LGSN: variants seen among roughly 807,000 people sequenced by gnomAD.
LGSN encodes the protein lengsin.
Under a neutral mutation model 19.5 loss-of-function variants are expected in LGSN, and 21 were observed. The observed-to-expected ratio is 1.07, with a 90% CI of 0.76 to 1.55. LGSN has a LOEUF of 1.55. Among genes scored for constraint, LGSN ranks in the 40% most tolerant of loss-of-function variants. The pLI, the probability that LGSN is intolerant of heterozygous loss-of-function variation, is 0.00. For synonymous variants in LGSN, 257 were observed against 215.6 expected, an observed-to-expected ratio of 1.19 and a Z score of -1.68; for missense variants, 673 against 608.5, an observed-to-expected ratio of 1.11 and a Z score of -1.12.
the LGSN span, among the ~76,000 whole-genome samples, chr6:63,513,762 T>C: frequency 1.9e-4 from 29 of 151,826 alleles, no homozygotes; most frequent in East Asian, 5.5e-3. Flanking sequence ...AATACAAAAA[T>C]TAGCTGGGTG....
At chr6:63,503,624 T>C in the LGSN span, among the ~76,000 whole-genome samples, 1 of 152,068 alleles carries the variant, frequency 6.6e-6, no homozygotes, top group African/African-American at 2.4e-5. Flanking sequence ...GAATCCAAAA[T>C]GGTAACAAGG....
At chr6:63,310,542 A>G (rs1198099705) in intron 1 of LGSN, among the ~76,000 whole-genome samples, 1 of 152,138 alleles carries the variant, frequency 6.6e-6, no homozygotes, top group Admixed American at 6.5e-5. Context: ...ATGGAAATGG[A>G]ATTAAAAGAT....
the LGSN span, among the ~76,000 whole-genome samples, chr6:63,492,880 G>A: frequency 0.062 from 9,498 of 152,192 alleles, 1,018 homozygotes; most frequent in African/African-American, 0.22. Flanking sequence ...AAAGATATTC[G>A]AAGTTATATG....
the LGSN span, among the ~76,000 whole-genome samples, chr6:63,446,412 T>C: frequency 6.6e-6 from 1 of 152,114 alleles, no homozygotes; most frequent in African/African-American, 2.4e-5. Context: ...CCCTCTACCC[T>C]GTCATAATAT....
At chr6:63,286,876 A>G (rs1767561431) in intron 2 of LGSN, among the ~76,000 whole-genome samples, 1 of 152,200 alleles carries the variant, frequency 6.6e-6, no homozygotes, top group Admixed American at 6.5e-5. Flanking sequence ...AGGATTAACA[A>G]GTTATTAACA....
rs1767223998 is a variant in LGSN at position 63,279,953 on chromosome 6, C to T, written c.*68G>A. 7.1e-7 allele frequency: 1 copy of T among 1,403,338 alleles called. No homozygotes were observed. Among genetic ancestry groups the T allele is most frequent in the South Asian group, 1.5e-5 (1 of 68,914 alleles). 86.9% of individuals were successfully genotyped at this position (1,403,338 alleles called of 1,614,324 possible). A position where few individuals can be genotyped will look rare whatever the true frequency, so the allele number is the denominator to read the frequency against. On this transcript the variant is annotated 3_prime_UTR_variant, in exon 4 of 4. Transcript: ENST00000370657. ...CTGTTGTTAATTACAAAAGTTCAGTCTTTTTGTTTTGGTAGATTAGCTTTA... is the reference window on the plus strand; with the variant it reads ...CTGTTGTTAATTACAAAAGTTCAGTTTTTTTGTTTTGGTAGATTAGCTTTA...
At chr6:63,490,659 C>A in the LGSN span, among the ~76,000 whole-genome samples, 1 of 152,096 alleles carries the variant, frequency 6.6e-6, no homozygotes, top group African/African-American at 2.4e-5. Flanking sequence ...TCACTGCAAC[C>A]TCTGTCTCCC....
the LGSN span, among the ~76,000 whole-genome samples, chr6:63,460,131 T>A: frequency 7.1e-5 from 9 of 127,010 alleles, no homozygotes; most frequent in African/African-American, 2.6e-4. Flanking sequence ...TTTTTTTTTT[T>A]GTATTTTTAG....
At chr6:63,428,570 C>T in the LGSN span, among the ~76,000 whole-genome samples, 2 of 152,174 alleles carry the variant, frequency 1.3e-5, no homozygotes, top group Non-Finnish European at 2.9e-5. Context: ...AGGCTGGTCT[C>T]GAACTCCTGA....
chr6:63,407,350 C>A, the LGSN span, among the ~76,000 whole-genome samples: 2 of 152,010 alleles, frequency 1.3e-5, no homozygotes, highest in Non-Finnish European at 2.9e-5. Flanking sequence ...TGGGCTTCAT[C>A]CCTGGGATGC....
At chr6:63,421,239 T>C in the LGSN span, among the ~76,000 whole-genome samples, 1 of 149,670 alleles carries the variant, frequency 6.7e-6, no homozygotes. Context: ...CTGGCCAACA[T>C]GGCAAAAACC....
At chr6:63,477,238 A>G in the LGSN span, among the ~76,000 whole-genome samples, 20 of 152,226 alleles carry the variant, frequency 1.3e-4, no homozygotes, top group African/African-American at 4.8e-4. Flanking sequence ...GACAGACAAT[A>G]GATTTTGCTT....
At chr6:63,476,181 G>A in the LGSN span, among the ~76,000 whole-genome samples, 3 of 152,178 alleles carry the variant, frequency 2.0e-5, no homozygotes, top group African/African-American at 7.2e-5. Context: ...ATCATTAAAA[G>A]TTCACCTTGG....
At chr6:63,446,908 G>A in the LGSN span, among the ~76,000 whole-genome samples, 4 of 152,282 alleles carry the variant, frequency 2.6e-5, no homozygotes, top group South Asian at 4.1e-4. Context: ...AATTAGCCAG[G>A]TGTGGCAGCG....
chr6:63,408,257 TAA>T, the LGSN span, among the ~76,000 whole-genome samples: 3 of 151,780 alleles, frequency 2.0e-5, no homozygotes, highest in Admixed American at 1.3e-4. Context: ...GCTGGAGGCA[TAA>T]CACTACCTGA....
At chr6:63,560,354 A>AAAAG in the LGSN span, among the ~76,000 whole-genome samples, 1,981 of 149,744 alleles carry the variant, frequency 0.013, 55 homozygotes, top group African/African-American at 0.047. Flanking sequence ...AAAAAAAAAA[A>AAAAG]AAAGAAAGAA....
the LGSN span, among the ~76,000 whole-genome samples, chr6:63,440,375 G>A: frequency 6.6e-6 from 1 of 152,176 alleles, no homozygotes; most frequent in African/African-American, 2.4e-5. Flanking sequence ...TGTGAGGCAG[G>A]AAACCTGCTA....
chr6:63,403,997 G>A, the LGSN span, among the ~76,000 whole-genome samples: 2 of 151,876 alleles, frequency 1.3e-5, no homozygotes, highest in African/African-American at 2.4e-5. Context: ...TGGCTTTTAA[G>A]AAGCAAGCCG....
the LGSN span, among the ~76,000 whole-genome samples, chr6:63,327,945 C>G: frequency 6.6e-6 from 1 of 152,226 alleles, no homozygotes; most frequent in Admixed American, 6.5e-5. Context: ...TGTGCAGTAA[C>G]TCCATAACTT....
Sources: gnomAD v4.1 joint callset for allele counts (sites outside exome capture counted in the v4.1 genomes callset) on GRCh38, gnomAD v4.1.1 for gene constraint, MANE v1.5 for transcripts, NCBI Gene and HGNC (gene_info 2026-07-23, HGNC 2026-07-21) for gene names.